OPHN1: variants seen among roughly 807,000 people sequenced by gnomAD.
OPHN1 encodes the protein oligophrenin-1.
A neutral mutation model predicts 60.7 loss-of-function variants in OPHN1; 11 were observed. That is an observed-to-expected ratio of 0.18 (90% CI 0.11 to 0.30). The LOEUF (loss-of-function observed/expected upper bound fraction) is 0.30. Ranked by LOEUF, OPHN1 falls within the 10% of genes least tolerant of loss-of-function variation. The pLI is 1.00. For missense variants in OPHN1, 449 were observed against 611.0 expected (o/e 0.73, Z 2.80); for synonymous variants, 226 against 222.6 (o/e 1.02, Z -0.14).
chrX:68,254,760 T>TA (rs1322359731), intron 5 of OPHN1, among the ~76,000 whole-genome samples: 2 of 110,394 alleles, frequency 1.8e-5, no homozygotes, highest in African/African-American at 6.6e-5. Context: ...CTCATACCTG[T>TA]AATCCCAGCA....
At chrX:68,210,808 T>G (rs1348526592) in intron 8 of OPHN1, among the ~76,000 whole-genome samples, 1 of 111,687 alleles carries the variant, frequency 9.0e-6, no homozygotes, top group Non-Finnish European at 1.9e-5. Context: ...ATGATGAGAA[T>G]AAATCTATTT....
chrX:68,262,255 A>C (rs1046966548), intron 5 of OPHN1, among the ~76,000 whole-genome samples: 1 of 112,217 alleles, frequency 8.9e-6, no homozygotes, highest in Non-Finnish European at 1.9e-5. Flanking sequence ...AATGAAACAT[A>C]AATGGTTAAC....
chrX:68,241,496 T>C (rs2147533059), intron 5 of OPHN1, among the ~76,000 whole-genome samples: 1 of 112,219 alleles, frequency 8.9e-6, no homozygotes, highest in East Asian at 2.8e-4. Context: ...GTATCCATGA[T>C]ATTAGTGAGT....
At chrX:68,267,954 G>A (rs758197191) in intron 5 of OPHN1, among the ~76,000 whole-genome samples, 1 of 111,666 alleles carries the variant, frequency 9.0e-6, no homozygotes, top group Non-Finnish European at 1.9e-5. Context: ...TAAATTCCTC[G>A]ACACATATAC....
rs1187060491 is a variant in OPHN1 at position 68,095,993 on chromosome X, A to G, written c.1686+877T>C. Among the ~76,000 whole-genome samples the G allele has an allele frequency of 2.7e-5, 3 of 111,862 alleles. No individual in the cohort carries two copies. The Admixed American group carries it at 2.9e-4, about 11-fold the overall frequency. On this transcript the variant is annotated intron_variant, in intron 19 of 24. Coordinates refer to ENST00000355520, the MANE Select transcript of OPHN1 (RefSeq NM_002547.3). ...ACTTTTGGAATGAGATGGGGTTCGAATAAGTGTAAGCATTGATTTCTTTTT... is the reference window on the plus strand; with the variant it reads ...ACTTTTGGAATGAGATGGGGTTCGAGTAAGTGTAAGCATTGATTTCTTTTT...
chrX:68,102,809 T>G (rs1015402267), intron 18 of OPHN1, among the ~76,000 whole-genome samples: 1 of 111,131 alleles, frequency 9.0e-6, no homozygotes, highest in Admixed American at 9.6e-5. Flanking sequence ...ACCTACACCC[T>G]CCCAAGACTA....
intron 6 of OPHN1, among the ~76,000 whole-genome samples, chrX:68,216,480 A>G (rs2077609697): frequency 9.0e-6 from 1 of 111,334 alleles, no homozygotes; most frequent in Non-Finnish European, 1.9e-5. Flanking sequence ...ATGTTACCTA[A>G]AAGATATCAT....
chrX:68,287,156 G>GGAAAGAAAGAAAGAAA (rs538783611), intron 3 of OPHN1, among the ~76,000 whole-genome samples: 2,354 of 72,860 alleles, frequency 0.032, 76 homozygotes, highest in South Asian at 0.049. Context: ...GAAGAAAGAA[G>GGAAAGAAAGAAAGAAA]GAAAGAAAGA....
Position 68,043,805 on chromosome X carries a change from T to C in OPHN1, c.*3367A>G, listed in dbSNP as rs2076823917. 1 of 111,793 alleles carries C rather than the reference T, an allele frequency of 8.9e-6. No individual in the cohort carries two copies. The highest frequency in any genetic ancestry group is 1.9e-5 in the Non-Finnish European group (1 of 53,194). 9.2% of individuals were successfully genotyped at this position (111,793 alleles called of 1,213,427 possible). A position where few individuals can be genotyped will look rare whatever the true frequency, so the allele number is the denominator to read the frequency against. Reference sequence around the variant, plus strand: ...GATTTTGCTATCACCACAGAAAAATTTGTAGAGATTTGACCCCAATACATC... The same window carrying C: ...GATTTTGCTATCACCACAGAAAAATCTGTAGAGATTTGACCCCAATACATC... On this transcript the variant is annotated 3_prime_UTR_variant, in exon 25 of 25. Coordinates refer to ENST00000355520, the MANE Select transcript of OPHN1 (RefSeq NM_002547.3).
chrX:68,052,325 G>A (rs2076855537), intron 23 of OPHN1, among the ~76,000 whole-genome samples: 1 of 108,537 alleles, frequency 9.2e-6, no homozygotes, highest in South Asian at 4.0e-4. Flanking sequence ...CACCAAGTGA[G>A]AAAAAGAATA....
intron 2 of OPHN1, among the ~76,000 whole-genome samples, chrX:68,355,474 G>A (rs1359729395): frequency 8.9e-6 from 1 of 111,813 alleles, no homozygotes; most frequent in Admixed American, 9.6e-5. Flanking sequence ...GCTATCCAGG[G>A]CAGGAAGAAA....
intron 18 of OPHN1, 133 bp from the exon 19 acceptor site, chrX:68,097,162 GA>G (rs781141171): frequency 3.0e-4 from 158 of 532,214 alleles, no homozygotes; most frequent in Non-Finnish European, 4.1e-4. Flanking sequence ...GTATGTATTG[GA>G]AGGCAAGATT....
rs1219797888 is a variant in OPHN1, at chrX:68,185,263, AT to A, written c.1276+7655del. 5.3e-5 allele frequency among the ~76,000 whole-genome samples: 6 copies of A among 112,881 alleles called. No individual in the cohort carries two copies. In the South Asian group the frequency reaches 1.8e-3, roughly 34 times the overall value. ...AAACTCTGTGCAGTAGCATAACAAA[AT>A]ACAACCATGTATGGAATGGCTCATG... On this transcript the variant is annotated intron_variant, in intron 15 of 24. Coordinates refer to ENST00000355520, the MANE Select transcript of OPHN1 (RefSeq NM_002547.3).
intron 2 of OPHN1, among the ~76,000 whole-genome samples, chrX:68,364,107 C>T (rs919711786): frequency 2.7e-5 from 3 of 111,677 alleles, no homozygotes; most frequent in African/African-American, 9.7e-5. Flanking sequence ...AATAAGAACG[C>T]ATTCTTCATC....
At chrX:68,400,077 A>G (rs777569708) in intron 2 of OPHN1, among the ~76,000 whole-genome samples, 172 of 110,243 alleles carry the variant, frequency 1.6e-3, no homozygotes, top group African/African-American at 5.4e-3. Flanking sequence ...AATCAGACTG[A>G]CTCTGGGCTA....
intron 5 of OPHN1, among the ~76,000 whole-genome samples, chrX:68,241,257 T>C (rs1247395913): frequency 8.9e-6 from 1 of 112,221 alleles, no homozygotes; most frequent in African/African-American, 3.2e-5. Context: ...GTCACTTATT[T>C]TTCCTGGGCA....
At position 68,224,024 on chromosome X, in the gene OPHN1, C is replaced by T. The variant is rs769817216; in HGVS notation, c.487-10052G>A. Among the ~76,000 whole-genome samples, 3 of 111,454 alleles carry T rather than the reference C, an allele frequency of 2.7e-5. No individual in the cohort carries two copies. In the East Asian group the frequency reaches 8.5e-4, roughly 32 times the overall value. ...TAGAGTTGGAGACTTCAATACTCCT[C>T]TAATAGTAATGGACAGATCCAGCTA... On this transcript the variant is annotated intron_variant, in intron 6 of 24. Coordinates refer to ENST00000355520, the MANE Select transcript of OPHN1 (RefSeq NM_002547.3).
intron 6 of OPHN1, among the ~76,000 whole-genome samples, chrX:68,217,200 C>T (rs966609217): frequency 8.9e-6 from 1 of 111,853 alleles, no homozygotes; most frequent in African/African-American, 3.2e-5. Context: ...CACTCCCACC[C>T]GAATACTGCG....
intron 18 of OPHN1, among the ~76,000 whole-genome samples, chrX:68,105,280 C>A (rs193047337): frequency 1.8e-5 from 2 of 110,433 alleles, no homozygotes; most frequent in East Asian, 5.8e-4. Flanking sequence ...CCTGAAATAC[C>A]ATTTGACCTG....
Sources: allele counts gnomAD v4.1 joint callset (sites outside exome capture counted in the v4.1 genomes callset), GRCh38; gene constraint gnomAD v4.1.1; transcripts MANE v1.5; gene names NCBI Gene and HGNC (gene_info 2026-07-23, HGNC 2026-07-21).